The following TSNARE1 variants were observed in gnomAD, a reference collection of about 807,000 sequenced individuals.
TSNARE1 encodes the protein t-SNARE domain containing 1.
A neutral mutation model predicts 62.0 loss-of-function variants in TSNARE1; 49 were observed. The ratio of observed to expected loss-of-function variants is 0.79; its 90% CI spans 0.63 to 1.00. TSNARE1 has a LOEUF of 1.00. Ranked by LOEUF, TSNARE1 falls within the 50% of genes least tolerant of loss-of-function variation. The pLI is 0.00. For missense variants in TSNARE1, 755 were observed against 700.1 expected (o/e 1.08, Z -0.88); for synonymous variants, 328 against 294.4 (o/e 1.11, Z -1.17).
intron 13 of TSNARE1, among the ~76,000 whole-genome samples, chr8:142,225,495 T>C (rs991683639): frequency 1.9e-4 from 29 of 151,200 alleles, no homozygotes; most frequent in Non-Finnish European, 5.9e-5. Flanking sequence ...TTTCCATCTA[T>C]CTCTCCTGCT....
intron 11 of TSNARE1, chr8:142,275,132 C>T: frequency 1.0e-6 from 1 of 985,438 alleles, no homozygotes; most frequent in Non-Finnish European, 1.2e-6. Flanking sequence ...GAAGAGTCCA[C>T]TCAGGAAAGG....
chr8:142,348,648 C>T (rs1833697590), intron 2 of TSNARE1, among the ~76,000 whole-genome samples: 1 of 148,942 alleles, frequency 6.7e-6, no homozygotes, highest in Admixed American at 6.6e-5. Flanking sequence ...GCCCACCCTC[C>T]CCTGGCCCCC....
chr8:142,283,594 G>C (rs1323074089), intron 11 of TSNARE1, among the ~76,000 whole-genome samples: 8 of 136,490 alleles, frequency 5.9e-5, no homozygotes, highest in Admixed American at 1.4e-4. Context: ...GCAGAGGCGG[G>C]GTTAGTGTCT....
At chr8:142,295,152 A>T (rs1039651334) in intron 10 of TSNARE1, among the ~76,000 whole-genome samples, 3 of 152,144 alleles carry the variant, frequency 2.0e-5, no homozygotes, top group African/African-American at 7.2e-5. Context: ...GCCTTCTCCC[A>T]CCCGAGCAAC....
intron 6 of TSNARE1, among the ~76,000 whole-genome samples, chr8:142,325,021 T>C (rs147775514): frequency 7.2e-4 from 110 of 152,314 alleles, no homozygotes; most frequent in Middle Eastern, 6.8e-3. Context: ...AGTGACTCCA[T>C]GTAGACCACG....
At chr8:142,399,248 G>C (rs1838116766) in intron 1 of TSNARE1, among the ~76,000 whole-genome samples, 1 of 152,224 alleles carries the variant, frequency 6.6e-6, no homozygotes, top group African/African-American at 2.4e-5. Flanking sequence ...AGCACTAACA[G>C]GAAGGATAGT....
At chr8:142,312,174 T>C (rs1827714165) in intron 9 of TSNARE1, among the ~76,000 whole-genome samples, 1 of 152,238 alleles carries the variant, frequency 6.6e-6, no homozygotes, top group Non-Finnish European at 1.5e-5. Flanking sequence ...TGCGTCAGGT[T>C]GGCTCAACAA....
intron 6 of TSNARE1, among the ~76,000 whole-genome samples, chr8:142,321,110 C>A (rs1563909311): frequency 6.6e-6 from 1 of 152,084 alleles, no homozygotes; most frequent in Non-Finnish European, 1.5e-5. Flanking sequence ...GGTTGCCAAC[C>A]AGAAAACCCA....
At chr8:142,281,744 C>A (rs1328811365) in intron 11 of TSNARE1, among the ~76,000 whole-genome samples, 1 of 151,926 alleles carries the variant, frequency 6.6e-6, no homozygotes, top group Non-Finnish European at 1.5e-5. Context: ...CGGGTGGGGG[C>A]GCTGGGGAGT....
chr8:142,327,142 A>G (rs1219253943), intron 6 of TSNARE1, among the ~76,000 whole-genome samples: 1 of 152,178 alleles, frequency 6.6e-6, no homozygotes, highest in African/African-American at 2.4e-5. Context: ...GAAAATCTAC[A>G]CCCACGCAAA....
intron 11 of TSNARE1, chr8:142,278,525 C>T (rs967884269): frequency 8.1e-5 from 80 of 985,262 alleles, no homozygotes; most frequent in South Asian, 1.4e-4. Context: ...ATGCGGAGGA[C>T]GGCGAAGGAG....
chr8:142,255,742 G>A (rs1054414684), intron 12 of TSNARE1, among the ~76,000 whole-genome samples: 12 of 1,456 alleles, frequency 8.2e-3, no homozygotes, highest in Non-Finnish European at 0.01. Context: ...CACCACCACT[G>A]TCACCATCAC....
intron 1 of TSNARE1, among the ~76,000 whole-genome samples, chr8:142,386,819 T>C (rs1358612330): frequency 6.6e-6 from 1 of 152,108 alleles, no homozygotes; most frequent in Non-Finnish European, 1.5e-5. Flanking sequence ...CAGCCAACAC[T>C]CACAGGAGCC....
chr8:142,308,821 T>A (rs544633491), intron 9 of TSNARE1, among the ~76,000 whole-genome samples: 1 of 152,152 alleles, frequency 6.6e-6, no homozygotes, highest in Non-Finnish European at 1.5e-5. Flanking sequence ...TGGAACCTTA[T>A]TGGGATTGTA....
At chr8:142,301,969 G>A (rs1159765872) in intron 9 of TSNARE1, among the ~76,000 whole-genome samples, 1 of 152,200 alleles carries the variant, frequency 6.6e-6, no homozygotes, top group Non-Finnish European at 1.5e-5. Flanking sequence ...CGACAGCGGT[G>A]GGGATGGCTG....
At chr8:142,396,234 AACACACACACAC>A (rs144100549) in intron 1 of TSNARE1, among the ~76,000 whole-genome samples, 1 of 151,348 alleles carries the variant, frequency 6.6e-6, no homozygotes, top group African/African-American at 2.4e-5. Context: ...GATAAACACA[AACACACACACAC>A]ACACGCACAC....
At chr8:142,223,136 A>AC (rs1816532513) in intron 13 of TSNARE1, among the ~76,000 whole-genome samples, 1 of 136,312 alleles carries the variant, frequency 7.3e-6, no homozygotes, top group Non-Finnish European at 1.6e-5. Flanking sequence ...TCATTCACTC[A>AC]TTCACTCATC....
intron 1 of TSNARE1, among the ~76,000 whole-genome samples, chr8:142,364,660 T>C (rs148448865): frequency 6.7e-4 from 102 of 152,272 alleles, no homozygotes; most frequent in African/African-American, 2.1e-3. Flanking sequence ...CATGCTGTTA[T>C]GCAAAAGAGT....
Position 142,229,464 on chromosome 8 carries a change from G to T in TSNARE1, c.*11+9C>A. On this transcript the variant is annotated intron_variant, in intron 13 of 13. Coordinates refer to ENST00000524325, the MANE Select transcript of TSNARE1 (RefSeq NM_145003.5). ...GAATGGATGGTGTACGGGTAGGTGGGGTACTCACCACGGGTAGCATCACTT... is the reference window on the plus strand; with the variant it reads ...GAATGGATGGTGTACGGGTAGGTGGTGTACTCACCACGGGTAGCATCACTT... 1 of 1,608,586 alleles carries T rather than the reference G, an allele frequency of 6.2e-7. No individual in the cohort carries two copies. The highest frequency in any genetic ancestry group is 8.5e-7 in the Non-Finnish European group (1 of 1,175,020).
Sources: allele counts gnomAD v4.1 joint callset (sites outside exome capture counted in the v4.1 genomes callset), GRCh38; gene constraint gnomAD v4.1.1; transcripts MANE v1.5; gene names NCBI Gene and HGNC (gene_info 2026-07-23, HGNC 2026-07-21).